CCDC144A: variants seen among roughly 807,000 people sequenced by gnomAD.
CCDC144A encodes coiled-coil domain containing 144A, also known as coiled-coil domain-containing protein 144A.
A neutral mutation model predicts 143.8 loss-of-function variants in CCDC144A; 41 were observed. That is an observed-to-expected ratio of 0.29 (90% CI 0.22 to 0.37). CCDC144A has a LOEUF of 0.37. CCDC144A is among the 10% of genes least tolerant of loss of function. The pLI is 1.00. For missense variants in CCDC144A, 637 were observed against 1,488.8 expected (o/e 0.43, Z 9.41); for synonymous variants, 242 against 517.9 (o/e 0.47, Z 7.23).
At chr17:16,693,676 A>G (rs917461753) in intron 2 of CCDC144A, among the ~76,000 whole-genome samples, 2 of 152,196 alleles carry the variant, frequency 1.3e-5, no homozygotes, top group Non-Finnish European at 2.9e-5. Flanking sequence ...CTTATAATGA[A>G]TTAGACTTGT....
At chr17:16,698,257 G>A (rs1352301508) in intron 2 of CCDC144A, among the ~76,000 whole-genome samples, 1 of 152,108 alleles carries the variant, frequency 6.6e-6, no homozygotes, top group South Asian at 2.1e-4. Flanking sequence ...AAGAGGAGAG[G>A]AATCATAAAG....
At chr17:16,706,559 A>C (rs1192615140) in intron 3 of CCDC144A, 3 of 140,554 alleles carry the variant, frequency 2.1e-5, no homozygotes, top group African/African-American at 5.6e-5. Flanking sequence ...TCATGCTCTC[A>C]CTCTTTCCTG....
intron 5 of CCDC144A, chr17:16,710,436 A>G (rs532808673): frequency 1.3e-5 from 2 of 152,750 alleles, no homozygotes; most frequent in South Asian, 2.1e-4. Context: ...ATTCCTGGCC[A>G]ATGAATCTGT....
At chr17:16,716,142 A>G (rs369397098) in intron 6 of CCDC144A, among the ~76,000 whole-genome samples, 46 of 152,108 alleles carry the variant, frequency 3.0e-4, no homozygotes, top group Middle Eastern at 6.8e-3. Flanking sequence ...GGTCAAGAGG[A>G]ATTGTTTAAT....
At chr17:16,667,997 T>A in the CCDC144A span, among the ~76,000 whole-genome samples, 2 of 149,442 alleles carry the variant, frequency 1.3e-5, no homozygotes, top group African/African-American at 2.5e-5. Context: ...GTGATCCGTG[T>A]TTTCCAACTT....
At chr17:16,721,945 T>C (rs1913114275) in intron 8 of CCDC144A, among the ~76,000 whole-genome samples, 1 of 152,266 alleles carries the variant, frequency 6.6e-6, no homozygotes, top group East Asian at 1.9e-4. Context: ...TATTTCCTTT[T>C]CTTTCCTAAC....
At chr17:16,742,700 C>G (rs1306591044) in intron 12 of CCDC144A, among the ~76,000 whole-genome samples, 1 of 152,134 alleles carries the variant, frequency 6.6e-6, no homozygotes, top group Non-Finnish European at 1.5e-5. Flanking sequence ...TCCAACCTCG[C>G]CAGGATTTTT....
At chr17:16,744,841 C>G (rs1043231054) in intron 12 of CCDC144A, among the ~76,000 whole-genome samples, 2 of 152,016 alleles carry the variant, frequency 1.3e-5, no homozygotes, top group African/African-American at 4.8e-5. Flanking sequence ...ACAGAATGCA[C>G]GGTTTCAGAA....
In CCDC144A at chr17:16,734,727, A is replaced by C; in HGVS notation, c.2456A>C (p.His819Pro). 6.3e-7 allele frequency: 1 copy of C among 1,596,426 alleles called. No individual in the cohort carries two copies. ...HRHQKEKDLF[H>P]EDCMLQEEIA... ...CATCAGAAAGAAAAGGATCTCTTTC[A>C]TGAAGATTGCATGTTGCAGGAAGAA... The change falls in exon 12 of 17, where the codon CAT (histidine) becomes CCT (proline). Residue 819 changes from histidine to proline, a missense_variant. By Grantham distance (77) the His-to-Pro change is moderately conservative (BLOSUM62 -2). Coordinates refer to ENST00000399273, the MANE Select transcript of CCDC144A (RefSeq NM_001382000.1).
intron 8 of CCDC144A, among the ~76,000 whole-genome samples, chr17:16,724,787 A>T (rs1391672211): frequency 5.7e-5 from 2 of 35,068 alleles, no homozygotes; most frequent in African/African-American, 1.1e-4. Context: ...GATTAACTGA[A>T]TTTTTTTTTT....
At chr17:16,771,031 A>G (rs1001169043) in intron 15 of CCDC144A, among the ~76,000 whole-genome samples, 1 of 152,232 alleles carries the variant, frequency 6.6e-6, no homozygotes, top group Non-Finnish European at 1.5e-5. Context: ...TTCTAAAGGC[A>G]TTAGATATCA....
At chr17:16,670,127 G>A in the CCDC144A span, among the ~76,000 whole-genome samples, 1 of 151,802 alleles carries the variant, frequency 6.6e-6, no homozygotes, top group Non-Finnish European at 1.5e-5. Context: ...GTTGCAGTGA[G>A]CTGAGATCAC....
At chr17:16,762,649 T>A in intron 14 of CCDC144A, 116 bp downstream of exon 14, 1 of 1,168,890 alleles carries the variant, frequency 8.6e-7, no homozygotes. Flanking sequence ...GCTAACTAGA[T>A]CATACAATTT....
chr17:16,741,184 A>C (rs1914239125), intron 12 of CCDC144A, among the ~76,000 whole-genome samples: 1 of 152,222 alleles, frequency 6.6e-6, no homozygotes, highest in Non-Finnish European at 1.5e-5. Context: ...AATTACCCAA[A>C]GTTGAGTGGC....
At chr17:16,668,408 A>G in the CCDC144A span, among the ~76,000 whole-genome samples, 1 of 152,106 alleles carries the variant, frequency 6.6e-6, no homozygotes, top group Non-Finnish European at 1.5e-5. Flanking sequence ...GTTTTCCCTA[A>G]GCTTCAATTG....
intron 15 of CCDC144A, among the ~76,000 whole-genome samples, chr17:16,768,786 AT>A (rs1437731495): frequency 3.0e-4 from 45 of 151,620 alleles, no homozygotes; most frequent in African/African-American, 1.1e-3. Context: ...ATTTCACTAT[AT>A]TTCTTTAAAA....
chr17:16,719,714 A>ACAGTAC (rs1306987936), intron 6 of CCDC144A, among the ~76,000 whole-genome samples: 1 of 151,940 alleles, frequency 6.6e-6, no homozygotes, highest in Non-Finnish European at 1.5e-5. Context: ...AGAATGATGC[A>ACAGTAC]CAGTACCTGC....
chr17:16,693,326 G>GT (rs369849541), intron 2 of CCDC144A, among the ~76,000 whole-genome samples: 16,271 of 144,052 alleles, frequency 0.11, 2,069 homozygotes, highest in African/African-American at 0.31. Context: ...GTTTTTTTTT[G>GT]TTTTTTTTTT....
At chr17:16,746,003 T>C in intron 12 of CCDC144A, 1 of 1,611,540 alleles carries the variant, frequency 6.2e-7, no homozygotes, top group Non-Finnish European at 8.5e-7. Flanking sequence ...CAGATTCTTG[T>C]TCTTGAGATC....
Sources: allele counts gnomAD v4.1 joint callset (sites outside exome capture counted in the v4.1 genomes callset), GRCh38; gene constraint gnomAD v4.1.1; transcripts MANE v1.5; gene names NCBI Gene and HGNC (gene_info 2026-07-23, HGNC 2026-07-21).